Variants in ROBO1 observed in about 807,000 individuals in gnomAD.
ROBO1 encodes the protein roundabout homolog 1.
A neutral mutation model predicts 195.9 loss-of-function variants in ROBO1; 149 were observed. The ratio of observed to expected loss-of-function variants is 0.76; its 90% CI spans 0.67 to 0.87. ROBO1 has a LOEUF of 0.87. ROBO1 is among the 40% of genes least tolerant of loss of function. The probability of loss-of-function intolerance (pLI) is 0.00; values close to 1 mark genes in which losing one functional copy is unlikely to be tolerated. For synonymous variants in ROBO1, 816 were observed against 733.2 expected, an observed-to-expected ratio of 1.11 and a Z score of -1.82; for missense variants, 1,933 against 2,068.3, an observed-to-expected ratio of 0.93 and a Z score of 1.27.
intron 2 of ROBO1, among the ~76,000 whole-genome samples, chr3:79,503,623 C>T (rs1032529587): frequency 2.0e-5 from 3 of 152,012 alleles, no homozygotes; most frequent in East Asian, 3.9e-4. Context: ...AGGTCTGTGT[C>T]GAAGGAGCAA....
At chr3:78,808,943 A>G (rs976430183) in intron 4 of ROBO1, among the ~76,000 whole-genome samples, 1 of 152,310 alleles carries the variant, frequency 6.6e-6, no homozygotes, top group East Asian at 1.9e-4. Context: ...ATGGGCAAGG[A>G]CTTCATGACT....
At chr3:79,174,275 C>G (rs79057547) in intron 2 of ROBO1, among the ~76,000 whole-genome samples, 152 of 152,072 alleles carry the variant, frequency 1.0e-3, no homozygotes, top group African/African-American at 3.4e-3. Flanking sequence ...AGCGAGCCCA[C>G]GAGCCCACTG....
At chr3:79,140,167 A>T (rs1259896431) in intron 2 of ROBO1, among the ~76,000 whole-genome samples, 1 of 152,130 alleles carries the variant, frequency 6.6e-6, no homozygotes, top group Non-Finnish European at 1.5e-5. Context: ...TCATCGTAGT[A>T]TATGTAAATT....
At chr3:78,887,550 G>T (rs969242277) in intron 4 of ROBO1, among the ~76,000 whole-genome samples, 1 of 152,110 alleles carries the variant, frequency 6.6e-6, no homozygotes, top group Non-Finnish European at 1.5e-5. Context: ...AAAAACAAAA[G>T]ATCACAGACA....
At chr3:79,501,723 C>A (rs1940080119) in intron 2 of ROBO1, among the ~76,000 whole-genome samples, 1 of 152,160 alleles carries the variant, frequency 6.6e-6, no homozygotes, top group South Asian at 2.1e-4. Context: ...TCTTCGTAAT[C>A]CCATGATTAC....
chr3:78,628,401 T>C (rs533366400), intron 25 of ROBO1, among the ~76,000 whole-genome samples: 1 of 152,292 alleles, frequency 6.6e-6, no homozygotes, highest in South Asian at 2.1e-4. Context: ...TTGGCTTGCA[T>C]TTAGGCTGGT....
In ROBO1 at chr3:78,996,343, A is replaced by AC. The variant is rs201074847; in HGVS notation, c.173-57417_173-57416insG. On this transcript the variant is annotated intron_variant, in intron 3 of 30. Coordinates refer to ENST00000464233, the MANE Select transcript of ROBO1 (RefSeq NM_002941.4). ...TTAAAAAAACAAAAAAAAAAAACAA[A>AC]AAAAAAAAACTCCCACTTTATCTCT... is the stretch of plus-strand genomic sequence containing the variant. 1.1e-3 allele frequency among the ~76,000 whole-genome samples: 162 copies of AC among 149,646 alleles called. 1 individual carries two copies. In the East Asian group the frequency reaches 0.011, roughly 10 times the overall value.
intron 2 of ROBO1, among the ~76,000 whole-genome samples, chr3:79,367,782 A>C (rs545943365): frequency 6.6e-6 from 1 of 152,334 alleles, no homozygotes; most frequent in African/African-American, 2.4e-5. Flanking sequence ...ATTTGTAATT[A>C]AGTATTACGA....
intron 2 of ROBO1, among the ~76,000 whole-genome samples, chr3:79,247,334 G>A (rs2082644170): frequency 6.7e-6 from 1 of 148,694 alleles, no homozygotes; most frequent in Non-Finnish European, 1.5e-5. Flanking sequence ...ACTGTCAGAC[G>A]CCATACTAGA....
chr3:79,606,582 A>G (rs1267522657), intron 1 of ROBO1, among the ~76,000 whole-genome samples: 1 of 151,722 alleles, frequency 6.6e-6, no homozygotes, highest in Non-Finnish European at 1.5e-5. Flanking sequence ...CCAGCCATTT[A>G]TGTATTACTT....
chr3:78,605,223 A>T (rs1381441254), intron 29 of ROBO1, among the ~76,000 whole-genome samples: 1 of 152,194 alleles, frequency 6.6e-6, no homozygotes, highest in Non-Finnish European at 1.5e-5. Context: ...TCTTTATAGG[A>T]CACTATTTTC....
chr3:79,271,406 A>G (rs2030545852), intron 2 of ROBO1, among the ~76,000 whole-genome samples: 1 of 151,958 alleles, frequency 6.6e-6, no homozygotes, highest in Non-Finnish European at 1.5e-5. Flanking sequence ...GAATTGACCA[A>G]ACCAATAGTC....
chr3:79,419,762 G>A (rs2038149245), intron 2 of ROBO1, among the ~76,000 whole-genome samples: 1 of 152,082 alleles, frequency 6.6e-6, no homozygotes, highest in Non-Finnish European at 1.5e-5. Flanking sequence ...CATAAGGAAA[G>A]TATATCTAGC....
intron 2 of ROBO1, among the ~76,000 whole-genome samples, chr3:79,350,881 A>G (rs991652491): frequency 1.3e-5 from 2 of 151,944 alleles, no homozygotes; most frequent in Non-Finnish European, 1.5e-5. Context: ...TGCAATGGCT[A>G]TTCACAGGCA....
chr3:78,818,907 T>C (rs148733362), intron 4 of ROBO1, among the ~76,000 whole-genome samples: 228 of 152,324 alleles, frequency 1.5e-3, no homozygotes, highest in African/African-American at 5.1e-3. Context: ...TATTGTAGTA[T>C]ATTGTTATAA....
chr3:79,583,480 C>T (rs1249656508), intron 2 of ROBO1, among the ~76,000 whole-genome samples: 1 of 151,674 alleles, frequency 6.6e-6, no homozygotes, highest in Non-Finnish European at 1.5e-5. Flanking sequence ...CCCATTTATT[C>T]ATGAATTCTG....
At chr3:79,288,142 T>G (rs1374568221) in intron 2 of ROBO1, among the ~76,000 whole-genome samples, 3 of 152,192 alleles carry the variant, frequency 2.0e-5, no homozygotes, top group Non-Finnish European at 4.4e-5. Context: ...GTTTTCAAAC[T>G]TTGCACCTGA....
At chr3:79,291,206 C>T (rs979270856) in intron 2 of ROBO1, among the ~76,000 whole-genome samples, 1 of 152,156 alleles carries the variant, frequency 6.6e-6, no homozygotes, top group African/African-American at 2.4e-5. Flanking sequence ...CACAACACTG[C>T]TTAGCAATGC....
chr3:78,690,176 A>T (rs2081140789), intron 8 of ROBO1, among the ~76,000 whole-genome samples: 1 of 150,114 alleles, frequency 6.7e-6, no homozygotes. Flanking sequence ...AAGCCCCTTT[A>T]AAAAAAAAGT....
Sources: allele counts gnomAD v4.1 joint callset (sites outside exome capture counted in the v4.1 genomes callset), GRCh38; gene constraint gnomAD v4.1.1; transcripts MANE v1.5; gene names NCBI Gene and HGNC (gene_info 2026-07-23, HGNC 2026-07-21).